Variants in SP140 observed in about 807,000 individuals in gnomAD.
SP140 encodes SP140 nuclear body protein.
SP140 carries 81 observed loss-of-function variants against 125.0 expected under a neutral mutation model. That is an observed-to-expected ratio of 0.65 (90% confidence interval 0.54 to 0.78). SP140 has a LOEUF of 0.78. SP140 is among the 30% of genes least tolerant of loss of function. The pLI is 0.00. For missense variants in SP140, 858 were observed against 1,037.0 expected (o/e 0.83, Z 2.37); for synonymous variants, 312 against 354.0 (o/e 0.88, Z 1.33).
chr2:230,243,735 C>G lies in SP140; in HGVS notation c.495C>G (p.Asn165Lys). Reference protein sequence around the residue: ...PRLLPYGKQENSNACHEMDDI... With the variant: ...PRLLPYGKQEKSNACHEMDDI... ...GGATTTCATTCCTTTCGGCAGAGAA[C>G]AGCAATGCCTGTCATGAAATGGATG... Residue 165 changes from asparagine to lysine, a missense_variant, in exon 5 of 27, where the codon AAC becomes AAG. Physicochemically the swap from Asn to Lys is moderately conservative, Grantham distance 94. Transcript: ENST00000392045. 9.3e-6 allele frequency: 15 copies of G among 1,611,306 alleles called. No individual in the cohort carries two copies. The highest frequency in any genetic ancestry group is 1.2e-5 in the Non-Finnish European group (14 of 1,177,982).
At chr2:230,200,993 C>A (rs1303162552), upstream of SP140, 7 of 1,555,348 alleles carry the variant, frequency 4.5e-6, no homozygotes, top group Admixed American at 1.0e-4. Context: ...TTAGTAAATG[C>A]CCCTTGGGAA....
intron 1 of SP140, among the ~76,000 whole-genome samples, chr2:230,235,623 T>C (rs567103725): frequency 6.6e-6 from 1 of 152,238 alleles, no homozygotes; most frequent in African/African-American, 2.4e-5. Flanking sequence ...ATAAAAAAAA[T>C]CCTGGAAGTC....
intron 12 of SP140, among the ~76,000 whole-genome samples, chr2:230,263,429 A>C (rs2052590664): frequency 6.6e-6 from 1 of 152,184 alleles, no homozygotes; most frequent in African/African-American, 2.4e-5. Flanking sequence ...GTATCTTTTA[A>C]GTGGAGCATT....
chr2:230,261,003 G>A (rs778059422), intron 12 of SP140, among the ~76,000 whole-genome samples: 4 of 152,118 alleles, frequency 2.6e-5, no homozygotes, highest in Admixed American at 6.5e-5. Flanking sequence ...GATGGGGATT[G>A]CATTGAATTT....
rs191823432 is a variant in SP140 at position 230,243,143 on chromosome 2, T to G, written c.491-588T>G. 2.8e-4 allele frequency among the ~76,000 whole-genome samples: 42 copies of G among 152,298 alleles called. 2 individuals carry two copies. The highest frequency in any genetic ancestry group is 2.2e-3 in the Admixed American group (34 of 15,286). On this transcript the variant is annotated intron_variant, in intron 4 of 26. Transcript: ENST00000392045. ...TAAAATTTCCCCCAATAATTTCAAT[T>G]GTTAAATCTCTCTTTCAAACTGAGC... is the stretch of plus-strand genomic sequence containing the variant.
intron 1 of SP140, among the ~76,000 whole-genome samples, chr2:230,236,038 G>A (rs1010834319): frequency 4.6e-5 from 7 of 151,848 alleles, no homozygotes; most frequent in Admixed American, 2.0e-4. Flanking sequence ...CACCATGCCC[G>A]GCTAATTTTT....
At chr2:230,230,370 C>T (rs1329952027) in intron 1 of SP140, 1 of 152,156 alleles carries the variant, frequency 6.6e-6, no homozygotes, top group Non-Finnish European at 1.5e-5. Context: ...CCTCAAACCC[C>T]AGTCTTAGGT....
At chr2:230,306,271 A>G (rs973376695) in intron 22 of SP140, among the ~76,000 whole-genome samples, 3 of 152,178 alleles carry the variant, frequency 2.0e-5, no homozygotes, top group African/African-American at 7.2e-5. Flanking sequence ...CACCTGGCCA[A>G]AGGTGCAGCC....
At chr2:230,312,003 C>T (rs1459124442) in intron 26 of SP140, among the ~76,000 whole-genome samples, 1 of 152,138 alleles carries the variant, frequency 6.6e-6, no homozygotes, top group African/African-American at 2.4e-5. Context: ...CAAGGATTGC[C>T]AGCAAGGAGT....
chr2:230,197,452 C>G, the SP140 span, among the ~76,000 whole-genome samples: 1 of 150,756 alleles, frequency 6.6e-6, no homozygotes, highest in Non-Finnish European at 1.5e-5. Context: ...AGCCCTTTGT[C>G]AGATGAGTAG....
chr2:230,253,234 G>T, intron 10 of SP140, 82 bp from the exon 11 acceptor site: 1 of 945,704 alleles, frequency 1.1e-6, no homozygotes, highest in South Asian at 1.3e-5. Context: ...AACAAGACAG[G>T]GGTGGCTCTT....
At chr2:230,301,604 C>CA (rs1232348054) in intron 22 of SP140, among the ~76,000 whole-genome samples, 2 of 152,168 alleles carry the variant, frequency 1.3e-5, no homozygotes, top group Non-Finnish European at 2.9e-5. Context: ...TCACCACTAC[C>CA]AAGCCAGTGC....
intron 12 of SP140, among the ~76,000 whole-genome samples, chr2:230,255,861 T>C (rs1056311211): frequency 7.2e-5 from 11 of 152,152 alleles, no homozygotes; most frequent in African/African-American, 2.7e-4. Context: ...AGTATTAAAA[T>C]ATTTTACCAA....
the SP140 span, among the ~76,000 whole-genome samples, chr2:230,197,278 T>C: frequency 6.7e-6 from 1 of 150,358 alleles, no homozygotes; most frequent in African/African-American, 2.4e-5. Flanking sequence ...TTGATTTGCA[T>C]TTCTCTGATG....
chr2:230,219,807 G>T, intron 3 of SP140: 3 of 561,198 alleles, frequency 5.3e-6, no homozygotes, highest in Non-Finnish European at 4.5e-6. Flanking sequence ...AGCTGCTGCC[G>T]CGAAGTTAAC....
intron 21 of SP140, 44 bp downstream of exon 21, chr2:230,294,362 A>T (rs767974423): frequency 2.8e-6 from 4 of 1,449,098 alleles, no homozygotes; most frequent in Non-Finnish European, 9.7e-7. Context: ...CACATAACTG[A>T]TTTAGCATGC....
chr2:230,201,163 C>T (rs1296324399), upstream of SP140, among the ~76,000 whole-genome samples: 1 of 152,112 alleles, frequency 6.6e-6, no homozygotes. Context: ...AGGAGCAGAC[C>T]GCAGTTGGTT....
At chr2:230,296,884 G>A (rs1345639719) in intron 21 of SP140, among the ~76,000 whole-genome samples, 2 of 152,234 alleles carry the variant, frequency 1.3e-5, no homozygotes, top group Non-Finnish European at 2.9e-5. Context: ...AATGGGACTT[G>A]CATTGGGATT....
intron 12 of SP140, among the ~76,000 whole-genome samples, chr2:230,259,792 A>ATG (rs2051900349): frequency 8.9e-6 from 1 of 112,116 alleles, no homozygotes. Flanking sequence ...ATATATATAT[A>ATG]TATACCACAT....
Sources: allele counts gnomAD v4.1 joint callset (sites outside exome capture counted in the v4.1 genomes callset), GRCh38; gene constraint gnomAD v4.1.1; transcripts MANE v1.5; gene names NCBI Gene and HGNC (gene_info 2026-07-23, HGNC 2026-07-21).